SUGCT: variants seen among roughly 807,000 people sequenced by gnomAD.
SUGCT encodes the protein succinyl-CoA:glutarate-CoA transferase, also known as succinyl-CoA:glutarate CoA-transferase.
In SUGCT, 41 loss-of-function variants were observed where a neutral mutation model predicts 55.0. The ratio of observed to expected loss-of-function variants is 0.74; its 90% CI spans 0.58 to 0.97. SUGCT has a LOEUF of 0.97. SUGCT is among the 50% of genes least tolerant of loss of function. The pLI is 0.00. For synonymous variants in SUGCT, 187 were observed against 200.4 expected (o/e 0.93, Z 0.56); for missense variants, 568 against 547.8 (o/e 1.04, Z -0.37).
chr7:40,208,637 C>T (rs954646408), intron 6 of SUGCT, among the ~76,000 whole-genome samples: 3 of 151,968 alleles, frequency 2.0e-5, no homozygotes, highest in East Asian at 3.9e-4. Flanking sequence ...CTCCGCCTCC[C>T]GGGTTCAAGC....
intron 13 of SUGCT, among the ~76,000 whole-genome samples, chr7:40,827,321 A>C (rs1308485992): frequency 1.3e-5 from 2 of 152,140 alleles, no homozygotes; most frequent in Non-Finnish European, 2.9e-5. Context: ...CACAGTGGAG[A>C]GAGTCCACTG....
chr7:41,034,090 T>C, the SUGCT span, among the ~76,000 whole-genome samples: 1 of 152,216 alleles, frequency 6.6e-6, no homozygotes, highest in Non-Finnish European at 1.5e-5. Context: ...AGGATAACCA[T>C]GGCATCCTGA....
At chr7:40,668,109 C>T (rs1279551410) in intron 12 of SUGCT, among the ~76,000 whole-genome samples, 1 of 152,118 alleles carries the variant, frequency 6.6e-6, no homozygotes, top group Non-Finnish European at 1.5e-5. Flanking sequence ...AGTTAATTTG[C>T]ATTTGTCAGA....
chr7:40,849,334 A>G (rs1231799658), intron 13 of SUGCT, among the ~76,000 whole-genome samples: 1 of 152,182 alleles, frequency 6.6e-6, no homozygotes, highest in Non-Finnish European at 1.5e-5. Flanking sequence ...CTGGCCAGCT[A>G]TGTTAATTAC....
At chr7:40,743,177 C>A (rs1240899731) in intron 12 of SUGCT, among the ~76,000 whole-genome samples, 1 of 152,140 alleles carries the variant, frequency 6.6e-6, no homozygotes, top group African/African-American at 2.4e-5. Context: ...CAGCTGGAAG[C>A]TGCTTTAGAA....
At chr7:40,676,856 A>C (rs1409617547) in intron 12 of SUGCT, among the ~76,000 whole-genome samples, 1 of 151,678 alleles carries the variant, frequency 6.6e-6, no homozygotes, top group African/African-American at 2.4e-5. Context: ...AAAAATTGTT[A>C]TAAAAACCAA....
At chr7:40,549,965 T>A (rs984010277) in intron 12 of SUGCT, among the ~76,000 whole-genome samples, 1 of 152,088 alleles carries the variant, frequency 6.6e-6, no homozygotes, top group African/African-American at 2.4e-5. Flanking sequence ...GGAGATAGCA[T>A]GTTTGGGTTT....
intron 8 of SUGCT, among the ~76,000 whole-genome samples, chr7:40,296,770 G>A (rs1340145786): frequency 6.6e-6 from 1 of 151,740 alleles, no homozygotes; most frequent in Non-Finnish European, 1.5e-5. Context: ...GTGTGTGTGA[G>A]TTTGTGTGTG....
At chr7:40,227,847 TTTTA>T (rs1171375139) in intron 6 of SUGCT, among the ~76,000 whole-genome samples, 3 of 151,018 alleles carry the variant, frequency 2.0e-5, no homozygotes, top group East Asian at 1.9e-4. Context: ...AATTCCTTTA[TTTTA>T]TTTATTTGTT....
chr7:40,746,452 C>T (rs1274098862), intron 12 of SUGCT, among the ~76,000 whole-genome samples: 2 of 152,184 alleles, frequency 1.3e-5, no homozygotes, highest in African/African-American at 2.4e-5. Flanking sequence ...CTTCTGAACA[C>T]GGGGCTCACA....
At chr7:40,436,628 A>G (rs940388282) in intron 9 of SUGCT, among the ~76,000 whole-genome samples, 16 of 152,174 alleles carry the variant, frequency 1.1e-4, no homozygotes, top group African/African-American at 3.6e-4. Flanking sequence ...GTCAGAAATG[A>G]TATTTTCATA....
chr7:40,839,057 A>G (rs1337636780), intron 13 of SUGCT, among the ~76,000 whole-genome samples: 2 of 151,484 alleles, frequency 1.3e-5, no homozygotes, highest in Admixed American at 6.6e-5. Flanking sequence ...GGTGAATTGC[A>G]TTGATTGATT....
intron 12 of SUGCT, among the ~76,000 whole-genome samples, chr7:40,723,602 T>A (rs1215455491): frequency 6.6e-6 from 1 of 152,240 alleles, no homozygotes; most frequent in Admixed American, 6.5e-5. Flanking sequence ...CAGCTTCTGC[T>A]ACTAATTCCT....
At chr7:40,920,110 C>T in the SUGCT span, among the ~76,000 whole-genome samples, 21 of 152,270 alleles carry the variant, frequency 1.4e-4, no homozygotes, top group African/African-American at 4.3e-4. Flanking sequence ...AAAGGCCCCT[C>T]TGAGTGCTTC....
intron 12 of SUGCT, among the ~76,000 whole-genome samples, chr7:40,590,567 TGA>T (rs1797659230): frequency 6.6e-6 from 1 of 152,356 alleles, no homozygotes; most frequent in Non-Finnish European, 1.5e-5. Context: ...AGATAATTGA[TGA>T]AGGTAGCTAC....
intron 13 of SUGCT, among the ~76,000 whole-genome samples, chr7:40,816,710 G>A (rs1791689732): frequency 6.6e-6 from 1 of 152,158 alleles, no homozygotes; most frequent in Non-Finnish European, 1.5e-5. Flanking sequence ...CTGCCATCTG[G>A]GATGGGGTGG....
intron 9 of SUGCT, among the ~76,000 whole-genome samples, chr7:40,400,098 T>A: frequency 6.6e-6 from 1 of 152,120 alleles, no homozygotes; most frequent in East Asian, 1.9e-4. Flanking sequence ...TCTATCAGAC[T>A]GAGAAAGTCT....
intron 6 of SUGCT, among the ~76,000 whole-genome samples, chr7:40,233,953 T>C (rs1431359526): frequency 6.6e-6 from 1 of 152,232 alleles, no homozygotes; most frequent in Non-Finnish European, 1.5e-5. Context: ...CTCCCCTTTT[T>C]CCCTATACTT....
intron 9 of SUGCT, among the ~76,000 whole-genome samples, chr7:40,381,646 G>C (rs952306938): frequency 2.0e-5 from 3 of 152,028 alleles, no homozygotes; most frequent in African/African-American, 7.2e-5. Flanking sequence ...GTGGTAGTGT[G>C]GATGTAATGA....
Sources: allele counts gnomAD v4.1 joint callset (sites outside exome capture counted in the v4.1 genomes callset), GRCh38; gene constraint gnomAD v4.1.1; transcripts MANE v1.5; gene names NCBI Gene and HGNC (gene_info 2026-07-23, HGNC 2026-07-21).